The following SLK variants were observed in gnomAD, a reference collection of about 807,000 sequenced individuals.
SLK encodes the protein STE20 like kinase.
SLK carries 67 observed loss-of-function variants against 147.7 expected under a neutral mutation model. The ratio of observed to expected loss-of-function variants is 0.45; its 90% confidence interval spans 0.37 to 0.56. The LOEUF (loss-of-function observed/expected upper bound fraction) is 0.56. Among genes scored for constraint, SLK ranks in the 20% least tolerant of loss-of-function variants. The pLI, the probability that SLK is intolerant of heterozygous loss-of-function variation, is 0.00. For missense variants in SLK, 1,136 were observed against 1,438.8 expected, an observed-to-expected ratio of 0.79 and a Z score of 3.41; for synonymous variants, 441 against 475.0, an observed-to-expected ratio of 0.93 and a Z score of 0.93.
At chr10:103,993,497 T>C (rs1844127185) in intron 4 of SLK, among the ~76,000 whole-genome samples, 1 of 152,186 alleles carries the variant, frequency 6.6e-6, no homozygotes, top group Admixed American at 6.5e-5. Context: ...AACTCAGTTT[T>C]TTCTTTATTT....
chr10:103,978,899 C>T (rs1843904561), intron 1 of SLK, among the ~76,000 whole-genome samples: 1 of 152,172 alleles, frequency 6.6e-6, no homozygotes, highest in Non-Finnish European at 1.5e-5. Flanking sequence ...TCCATCCCTT[C>T]CTCCTTTCTT....
intron 1 of SLK, among the ~76,000 whole-genome samples, chr10:103,968,708 A>G (rs1843752864): frequency 1.3e-5 from 2 of 152,250 alleles, no homozygotes; most frequent in Non-Finnish European, 2.9e-5. Flanking sequence ...AGGGTTGCCT[A>G]GAAGTGAAAA....
intron 13 of SLK, among the ~76,000 whole-genome samples, chr10:104,016,329 A>AG (rs1350926218): frequency 1.3e-5 from 2 of 152,112 alleles, no homozygotes; most frequent in Non-Finnish European, 2.9e-5. Flanking sequence ...AAAAAAAAAA[A>AG]AGAAAAATTT....
chr10:104,000,601 T>C (rs1007417897), intron 7 of SLK, among the ~76,000 whole-genome samples: 6 of 152,192 alleles, frequency 3.9e-5, no homozygotes, highest in African/African-American at 1.4e-4. Flanking sequence ...ACAGACACTG[T>C]TAAATGTTGA....
chr10:104,023,079 G>A (rs186887051), intron 18 of SLK, among the ~76,000 whole-genome samples: 2 of 152,326 alleles, frequency 1.3e-5, no homozygotes, highest in Admixed American at 1.3e-4. Context: ...CTAGTTGACA[G>A]TGGTCACAAG....
At chr10:104,024,694 C>T (rs748256630) in intron 18 of SLK, among the ~76,000 whole-genome samples, 3 of 152,176 alleles carry the variant, frequency 2.0e-5, no homozygotes, top group Non-Finnish European at 4.4e-5. Context: ...TGTACCTCTA[C>T]AGCACCACTT....
At chr10:103,997,284 A>G (rs1844187932) in intron 4 of SLK, among the ~76,000 whole-genome samples, 1 of 152,216 alleles carries the variant, frequency 6.6e-6, no homozygotes, top group Admixed American at 6.5e-5. Context: ...ATAATATGCC[A>G]TTGTATGTAT....
chr10:103,968,125 G>C (rs1427637622), intron 1 of SLK, among the ~76,000 whole-genome samples: 1 of 152,132 alleles, frequency 6.6e-6, no homozygotes, highest in African/African-American at 2.4e-5. Flanking sequence ...AAGGAGACAG[G>C]GTTATAAAGT....
intron 4 of SLK, among the ~76,000 whole-genome samples, chr10:103,993,540 G>A (rs1396882311): frequency 2.0e-5 from 3 of 152,018 alleles, no homozygotes; most frequent in Non-Finnish European, 4.4e-5. Flanking sequence ...TTTTCCCCAT[G>A]TTTAGTTTTA....
chr10:103,986,208 G>A (rs1401861125), intron 1 of SLK, among the ~76,000 whole-genome samples: 11 of 146,098 alleles, frequency 7.5e-5, no homozygotes. Flanking sequence ...TGTATACTTT[G>A]TTTGTATTAT....
rs773447309 is a variant in SLK, at chr10:103,998,924, C to T, written c.540C>T (p.Asn180=). Reference sequence around the variant, plus strand: ...CGGATTTTGGAGTATCAGCTAAAAACACGAGGACAATTCAAAGAAGAGATT... The same window carrying T: ...CGGATTTTGGAGTATCAGCTAAAAATACGAGGACAATTCAAAGAAGAGATT... The part of the protein sequence containing the change: ...KLADFGVSAK[N]TRTIQRRDSF... Residue 180 remains asparagine (N), a synonymous_variant, in exon 5 of 19, where the codon AAC becomes AAT. Transcript: ENST00000369755. 7 of 1,611,714 alleles carry T rather than the reference C, an allele frequency of 4.3e-6. No individual in the cohort carries two copies. In the African/African-American group the frequency reaches 9.4e-5, roughly 22 times the overall value.
At chr10:103,999,575 G>A (rs1844218204) in intron 6 of SLK, among the ~76,000 whole-genome samples, 1 of 152,098 alleles carries the variant, frequency 6.6e-6, no homozygotes, top group Admixed American at 6.5e-5. Context: ...AGGAAGTGAG[G>A]TATATAGATT....
rs909951252 is a variant in SLK, at chr10:104,018,179, A to G, written c.2897A>G (p.Lys966Arg). The G allele has an allele frequency of 6.2e-7, 1 of 1,606,416 alleles. No individual in the cohort carries two copies. Among genetic ancestry groups the G allele is most frequent in the South Asian group, 1.1e-5 (1 of 89,218 alleles). ...TAATAGGAACAAGAGTTTGTTCAGA[A>G]ACAACAGCAAGAATTAGATGGCTCT... Reference protein sequence around the residue: ...QHAQEQEFVQKQQQELDGSLK... With the variant: ...QHAQEQEFVQRQQQELDGSLK... The change falls in exon 14 of 19, where the codon AAA becomes AGA. Residue 966 changes from lysine to arginine, a missense_variant. By Grantham distance (26) the Lys-to-Arg change is conservative. Coordinates refer to ENST00000369755, the MANE Select transcript of SLK (RefSeq NM_014720.4).
At chr10:103,990,623 A>T in intron 1 of SLK, 52 bp from the exon 2 acceptor site, 1 of 1,075,926 alleles carries the variant, frequency 9.3e-7, no homozygotes, top group Non-Finnish European at 1.3e-6. Context: ...ATAATAAAAA[A>T]TTAGAAAATG....
chr10:103,986,398 G>A (rs969569423), intron 1 of SLK, among the ~76,000 whole-genome samples: 19 of 152,022 alleles, frequency 1.2e-4, no homozygotes, highest in South Asian at 6.2e-4. Context: ...CCTCACATAC[G>A]CAGTTCACAA....
intron 13 of SLK, among the ~76,000 whole-genome samples, chr10:104,011,578 G>A (rs61861271): frequency 6.7e-6 from 1 of 148,500 alleles, no homozygotes; most frequent in African/African-American, 2.5e-5. Context: ...TTTTTTTTTG[G>A]TGAATTGGAG....
chr10:103,990,880 G>A (rs1273939584), intron 2 of SLK, 41 bp downstream of exon 2: 1 of 1,267,392 alleles, frequency 7.9e-7, no homozygotes, highest in Non-Finnish European at 1.1e-6. Flanking sequence ...GCCAAAATGA[G>A]TTAATTGTCC....
At chr10:103,982,244 T>G (rs906048305) in intron 1 of SLK, among the ~76,000 whole-genome samples, 1 of 152,232 alleles carries the variant, frequency 6.6e-6, no homozygotes, top group Non-Finnish European at 1.5e-5. Flanking sequence ...CTATGCACAT[T>G]TCCTCAGCTT....
intron 16 of SLK, among the ~76,000 whole-genome samples, 158 bp from the exon 17 acceptor site, chr10:104,020,330 C>A (rs988816780): frequency 1.3e-5 from 2 of 152,226 alleles, no homozygotes; most frequent in African/African-American, 4.8e-5. Flanking sequence ...CTGCTCTTCT[C>A]TGAAGCTGTG....
Sources: allele counts gnomAD v4.1 joint callset (sites outside exome capture counted in the v4.1 genomes callset), GRCh38; gene constraint gnomAD v4.1.1; transcripts MANE v1.5; gene names NCBI Gene and HGNC (gene_info 2026-07-23, HGNC 2026-07-21).